The following MTSS1 variants were observed in gnomAD, a reference collection of about 807,000 sequenced individuals.
MTSS1 encodes MTSS I-BAR domain containing 1.
Under a neutral mutation model 79.0 loss-of-function variants are expected in MTSS1, and 18 were observed. The observed-to-expected ratio is 0.23, with a 90% confidence interval of 0.16 to 0.34. The LOEUF (loss-of-function observed/expected upper bound fraction) is 0.34. Ranked by LOEUF, MTSS1 falls within the 10% of genes least tolerant of loss-of-function variation. MTSS1 has a pLI of 1.00. For missense variants in MTSS1, 815 were observed against 986.2 expected, an observed-to-expected ratio of 0.83 and a Z score of 2.33; for synonymous variants, 341 against 368.6, an observed-to-expected ratio of 0.93 and a Z score of 0.86.
At chr8:124,699,288 C>T (rs13279648) in intron 3 of MTSS1, 35,013 of 510,518 alleles carry the variant, frequency 0.069, 1,423 homozygotes, top group Non-Finnish European at 0.082. Flanking sequence ...CAAGCCAACT[C>T]GTGCAGAAAC....
intron 3 of MTSS1, among the ~76,000 whole-genome samples, chr8:124,670,180 G>C (rs1319046641): frequency 6.6e-6 from 1 of 152,150 alleles, no homozygotes; most frequent in East Asian, 1.9e-4. Flanking sequence ...GGAGGATGGG[G>C]TATTTTTGCT....
chr8:124,721,679 G>GGGATTACAGGTGTGA (rs11276269), intron 1 of MTSS1, among the ~76,000 whole-genome samples: 104,708 of 151,860 alleles, frequency 0.69, 36,494 homozygotes, highest in Admixed American at 0.78. Context: ...CCAGAGTGAT[G>GGGATTACAGGTGTGA]GGCACCTCGC....
intron 3 of MTSS1, among the ~76,000 whole-genome samples, chr8:124,698,826 T>C (rs1334926444): frequency 1.3e-5 from 2 of 152,214 alleles, no homozygotes; most frequent in Non-Finnish European, 2.9e-5. Flanking sequence ...CTGACCATAA[T>C]GTTGCATTTC....
chr8:124,656,781 CA>C (rs59332225), intron 3 of MTSS1, among the ~76,000 whole-genome samples: 4,930 of 51,596 alleles, frequency 0.096, 162 homozygotes, highest in African/African-American at 0.26. Context: ...GACTCCATCT[CA>C]AAAAAAAAAA....
chr8:124,584,990 T>A (rs1157990453), intron 6 of MTSS1, 97 bp downstream of exon 6: 7 of 1,000,014 alleles, frequency 7.0e-6, no homozygotes, highest in Non-Finnish European at 1.1e-5. Context: ...AGGGCCGTCA[T>A]ACTTAAGGAA....
intron 3 of MTSS1, among the ~76,000 whole-genome samples, chr8:124,695,024 AT>A (rs1029863636): frequency 6.6e-6 from 1 of 152,074 alleles, no homozygotes; most frequent in African/African-American, 2.4e-5. Flanking sequence ...TTTAAAAAAA[AT>A]GAAAGCAATT....
intron 3 of MTSS1, among the ~76,000 whole-genome samples, chr8:124,697,253 T>TAAAA (rs10693846): frequency 7.0e-4 from 102 of 146,294 alleles, no homozygotes; most frequent in Non-Finnish European, 9.0e-4. Context: ...TAGAGCAGCT[T>TAAAA]AAAAAAAAAA....
In MTSS1 at chr8:124,557,838, T is replaced by A; in HGVS notation, c.1073A>T (p.Glu358Val). 6.3e-7 allele frequency: 1 copy of A among 1,590,334 alleles called. No individual in the cohort carries two copies. Among genetic ancestry groups the A allele is most frequent in the Non-Finnish European group, 8.6e-7 (1 of 1,168,510 alleles). The part of the protein sequence containing the change: ...NGFSHYSLSS[E>V]SHVGPTGAGL... The stretch of plus-strand genomic sequence containing the variant: ...TGCACCCGTGGGCCCCACGTGGGAC[T>A]CACTTGATAAACTATAGTGAGAAAA... Residue 358 changes from glutamate (E) to valine (V), a missense_variant, in exon 11 of 14, where the codon GAG (glutamate) becomes GTG (valine). This residue lies in a region of MTSS1 where 590 missense variants were observed against 620.8 expected (regional missense o/e 0.95). Transcript: ENST00000518547.
intron 3 of MTSS1, among the ~76,000 whole-genome samples, chr8:124,675,723 G>C (rs1825163120): frequency 6.6e-6 from 1 of 152,170 alleles, no homozygotes; most frequent in Admixed American, 6.5e-5. Context: ...TACCTATCCT[G>C]AGCATTCCCC....
chr8:124,673,880 G>A (rs532765103), intron 3 of MTSS1, among the ~76,000 whole-genome samples: 4 of 152,098 alleles, frequency 2.6e-5, no homozygotes, highest in South Asian at 4.2e-4. Flanking sequence ...TAAAGCCATC[G>A]AGCCTTTGCA....
Position 124,659,769 on chromosome 8 carries a change from G to A in MTSS1, c.208+39757C>T, listed in dbSNP as rs140653557. On this transcript the variant is annotated intron_variant, in intron 3 of 13. Coordinates refer to ENST00000518547, the MANE Select transcript of MTSS1 (RefSeq NM_014751.6). ...GATGGGACAACACCTGGGCCGCTCCGCTCCCACCTGGGTAACATGAAGATA... is the reference window on the plus strand; with the variant it reads ...GATGGGACAACACCTGGGCCGCTCCACTCCCACCTGGGTAACATGAAGATA... Among the ~76,000 whole-genome samples the A allele has an allele frequency of 9.2e-4, 140 of 152,238 alleles. 2 individuals carry two copies. The highest frequency in any genetic ancestry group is 3.4e-3 in the Middle Eastern group (1 of 294).
At chr8:124,625,143 T>A (rs952297864) in intron 3 of MTSS1, among the ~76,000 whole-genome samples, 6 of 152,152 alleles carry the variant, frequency 3.9e-5, no homozygotes, top group African/African-American at 1.4e-4. Flanking sequence ...TGCAAATGAT[T>A]GTCATCCTCG....
At chr8:124,608,239 C>T (rs1835190955) in intron 3 of MTSS1, among the ~76,000 whole-genome samples, 1 of 152,096 alleles carries the variant, frequency 6.6e-6, no homozygotes, top group African/African-American at 2.4e-5. Flanking sequence ...CCCACACCCA[C>T]TTTATTAACT....
chr8:124,557,700 G>T lies in MTSS1; in HGVS notation c.1211C>A (p.Ser404Tyr), dbSNP rs1824226006. 6.3e-7 allele frequency: 1 copy of T among 1,585,076 alleles called. No individual in the cohort carries two copies. The highest frequency in any genetic ancestry group is 8.6e-7 in the Non-Finnish European group (1 of 1,165,494). Residue 404 changes from serine (S) to tyrosine (Y), a missense_variant, in exon 11 of 14, where the codon TCT becomes TAT. This residue lies in a region of MTSS1 where 590 missense variants were observed against 620.8 expected (regional missense o/e 0.95). Transcript: ENST00000518547. ...YTIGPGMFPS[S>Y]QIPSWKDWAK... ...ACAAACCTTCCAGCTAGGGATCTGA[G>T]ATGACGGGAACATGCCGGGCCCAAT...
chr8:124,604,510 A>G (rs916291299), intron 3 of MTSS1, among the ~76,000 whole-genome samples: 1 of 152,198 alleles, frequency 6.6e-6, no homozygotes, highest in African/African-American at 2.4e-5. Context: ...AAGGAAGTAC[A>G]ACTTCCCTTT....
intron 1 of MTSS1, among the ~76,000 whole-genome samples, chr8:124,718,528 G>A (rs1028021133): frequency 1.3e-5 from 2 of 152,030 alleles, no homozygotes; most frequent in Non-Finnish European, 2.9e-5. Context: ...GCTGCCGAGC[G>A]GGCTTTGAAG....
intron 3 of MTSS1, among the ~76,000 whole-genome samples, chr8:124,626,878 T>A (rs1421010958): frequency 6.6e-6 from 1 of 152,070 alleles, no homozygotes; most frequent in Non-Finnish European, 1.5e-5. Context: ...GAGCCTGATA[T>A]ACGCTGCCCC....
At position 124,623,985 on chromosome 8, in the gene MTSS1, C is replaced by T. The variant is rs576974614; in HGVS notation, c.209-32750G>A. Among the ~76,000 whole-genome samples the T allele has an allele frequency of 3.9e-5, 6 of 152,360 alleles. No individual in the cohort carries two copies. In the South Asian group the frequency reaches 1.2e-3, roughly 32 times the overall value. ...TAAAACTCACTGCCATCTTGCCTTT[C>T]TCTGGGAAAGTAAGGAAACTGCCTC... On this transcript the variant is annotated intron_variant, in intron 3 of 13. Coordinates refer to ENST00000518547, the MANE Select transcript of MTSS1 (RefSeq NM_014751.6).
chr8:124,551,294 T>C lies in MTSS1; in HGVS notation c.*1698A>G, dbSNP rs913672728. 2.0e-5 allele frequency: 3 copies of C among 152,670 alleles called. No individual in the cohort carries two copies. Among genetic ancestry groups the C allele is most frequent in the Non-Finnish European group, 4.4e-5 (3 of 68,044 alleles). 9.5% of individuals were successfully genotyped at this position (152,670 alleles called of 1,614,324 possible). On this transcript the variant is annotated 3_prime_UTR_variant, in exon 14 of 14. Coordinates refer to ENST00000518547, the MANE Select transcript of MTSS1 (RefSeq NM_014751.6). ...GTGGGCTAAACCACAGGCACTACTG[T>C]TGTTTATATTCTGTAAAAGGAGCTT...
Sources: allele counts gnomAD v4.1 joint callset (sites outside exome capture counted in the v4.1 genomes callset), GRCh38; gene constraint gnomAD v4.1.1; regional missense constraint gnomAD v4.1.1; transcripts MANE v1.5; gene names NCBI Gene and HGNC (gene_info 2026-07-23, HGNC 2026-07-21).